The following PYGB variants were observed in gnomAD, a reference collection of about 807,000 sequenced individuals.
The protein encoded by PYGB is glycogen phosphorylase B.
Under a neutral mutation model 94.3 loss-of-function variants are expected in PYGB, and 82 were observed. That is an observed-to-expected ratio of 0.87 (90% CI 0.73 to 1.04). The LOEUF (loss-of-function observed/expected upper bound fraction) is 1.04. PYGB is among the 50% of genes least tolerant of loss of function. PYGB has a pLI of 0.00. For synonymous variants in PYGB, 488 were observed against 479.1 expected (o/e 1.02, Z -0.24); for missense variants, 1,132 against 1,158.2 (o/e 0.98, Z 0.33).
At chr20:25,251,200 G>A (rs2092886955) in intron 1 of PYGB, 1 of 152,264 alleles carries the variant, frequency 6.6e-6, no homozygotes, top group Non-Finnish European at 1.5e-5. Flanking sequence ...TGGATTCTCT[G>A]AAGTGGTGGC....
intron 1 of PYGB, among the ~76,000 whole-genome samples, chr20:25,254,471 C>T (rs1268776607): frequency 6.6e-6 from 1 of 152,110 alleles, no homozygotes; most frequent in East Asian, 1.9e-4. Flanking sequence ...TGCAGAATGG[C>T]ATTCTTAGGA....
chr20:25,264,183 T>C (rs2092919461), intron 2 of PYGB, among the ~76,000 whole-genome samples: 1 of 152,192 alleles, frequency 6.6e-6, no homozygotes, highest in Non-Finnish European at 1.5e-5. Context: ...AACCATATGA[T>C]TATCTCAATT....
intron 1 of PYGB, among the ~76,000 whole-genome samples, chr20:25,257,673 A>T (rs6132825): frequency 0.47 from 71,262 of 151,806 alleles, 18,207 homozygotes; most frequent in East Asian, 0.98. Flanking sequence ...CTTAAAAAAA[A>T]ATATACATTT....
intron 1 of PYGB, among the ~76,000 whole-genome samples, chr20:25,253,137 A>G (rs1327616378): frequency 6.6e-6 from 1 of 152,256 alleles, no homozygotes. Flanking sequence ...ACAGCCTCCC[A>G]TGGGGGAAGG....
intron 12 of PYGB, 109 bp from the exon 13 acceptor site, chr20:25,283,067 C>T (rs2088383026): frequency 1.1e-6 from 1 of 924,764 alleles, no homozygotes; most frequent in African/African-American, 1.6e-5. Flanking sequence ...ACAAGCAGAT[C>T]CCAGGGGAAA....
intron 19 of PYGB, 132 bp from the exon 20 acceptor site, chr20:25,296,238 T>G (rs2088541924): frequency 9.1e-7 from 1 of 1,100,114 alleles, no homozygotes; most frequent in South Asian, 1.4e-5. Context: ...GATTGTAATG[T>G]CCTCCTCTTC....
intron 3 of PYGB, among the ~76,000 whole-genome samples, chr20:25,269,726 G>A (rs771494160): frequency 4.6e-5 from 7 of 152,088 alleles, no homozygotes; most frequent in African/African-American, 7.2e-5. Context: ...GGCTTCCTAC[G>A]CTCAAGGGAA....
At position 25,294,290 on chromosome 20, in the gene PYGB, C is replaced by T; in HGVS notation, c.2310C>T (p.Asp770=). The T allele has an allele frequency of 1.5e-6, 2 of 1,336,406 alleles. No individual in the cohort carries two copies. 82.8% of individuals were successfully genotyped at this position (1,336,406 alleles called of 1,614,324 possible). A position where few individuals can be genotyped will look rare whatever the true frequency, so the allele number is the denominator to read the frequency against. ...KDIVNMLMHH[D]RFKVFADYEA... ...TCGTGAACATGCTGATGCACCATGA[C>T]AGGTGGGACCGACTTCCCTGGTTGG... The change falls in exon 18 of 20, where the codon GAC becomes GAT. Residue 770 remains aspartate, a splice_region_variant and synonymous_variant. Coordinates refer to ENST00000216962, the MANE Select transcript of PYGB (RefSeq NM_002862.4).
At chr20:25,271,580 C>T in intron 4 of PYGB, 94 bp downstream of exon 4, 2 of 1,375,408 alleles carry the variant, frequency 1.5e-6, no homozygotes, top group Non-Finnish European at 2.1e-6. Flanking sequence ...CTTCCCACGC[C>T]CCCGCCAGGG....
chr20:25,268,041 G>GT (rs778517559), intron 2 of PYGB, among the ~76,000 whole-genome samples: 3 of 152,068 alleles, frequency 2.0e-5, no homozygotes, highest in Middle Eastern at 6.8e-3. Context: ...TGAACAAGAG[G>GT]TTTTATGGTT....
intron 1 of PYGB, among the ~76,000 whole-genome samples, chr20:25,254,585 A>G (rs946493648): frequency 2.0e-5 from 3 of 152,210 alleles, no homozygotes; most frequent in Admixed American, 1.3e-4. Context: ...TAGGAATGAC[A>G]TGTAATTTTA....
chr20:25,248,597 C>T (rs1028946097), intron 1 of PYGB, among the ~76,000 whole-genome samples, 176 bp downstream of exon 1: 3 of 151,966 alleles, frequency 2.0e-5, no homozygotes, highest in East Asian at 1.9e-4. Context: ...CGGCGGGGCC[C>T]GGGCGTCCCC....
chr20:25,259,855 G>A (rs1364562943), intron 2 of PYGB, among the ~76,000 whole-genome samples: 1 of 152,182 alleles, frequency 6.6e-6, no homozygotes, highest in Non-Finnish European at 1.5e-5. Flanking sequence ...GTTCCTTTGT[G>A]GTTTTAGAGC....
At chr20:25,267,599 C>T (rs905804732) in intron 2 of PYGB, among the ~76,000 whole-genome samples, 4 of 152,138 alleles carry the variant, frequency 2.6e-5, no homozygotes, top group South Asian at 4.1e-4. Flanking sequence ...GATACGATCA[C>T]GGCTCACTGT....
intron 1 of PYGB, among the ~76,000 whole-genome samples, chr20:25,255,663 G>C (rs183544192): frequency 6.7e-6 from 1 of 149,628 alleles, no homozygotes; most frequent in Non-Finnish European, 1.5e-5. Flanking sequence ...CTGGGGACAG[G>C]AGGGGACCGG....
intron 2 of PYGB, among the ~76,000 whole-genome samples, chr20:25,261,063 C>G (rs1255609701): frequency 6.6e-6 from 1 of 152,238 alleles, no homozygotes; most frequent in African/African-American, 2.4e-5. Context: ...CAGGGCATAG[C>G]TGAACAAAAG....
chr20:25,267,594 G>A (rs1014122621), intron 2 of PYGB, among the ~76,000 whole-genome samples: 1 of 152,106 alleles, frequency 6.6e-6, no homozygotes, highest in Non-Finnish European at 1.5e-5. Flanking sequence ...GCAATGATAC[G>A]ATCACGGCTC....
intron 8 of PYGB, 64 bp from the exon 9 acceptor site, chr20:25,278,993 C>G: frequency 6.7e-7 from 1 of 1,500,648 alleles, no homozygotes; most frequent in African/African-American, 1.4e-5. Flanking sequence ...GCTTCGTATG[C>G]CAACAACCGT....
chr20:25,268,730 T>G (rs977356821), intron 2 of PYGB, among the ~76,000 whole-genome samples: 1 of 152,234 alleles, frequency 6.6e-6, no homozygotes, highest in Non-Finnish European at 1.5e-5. Context: ...TTTCTCTAAT[T>G]TTTAGCATAA....
Sources: allele counts gnomAD v4.1 joint callset (sites outside exome capture counted in the v4.1 genomes callset), GRCh38; gene constraint gnomAD v4.1.1; transcripts MANE v1.5; gene names NCBI Gene and HGNC (gene_info 2026-07-23, HGNC 2026-07-21).